WDPCP: variants seen among roughly 807,000 people sequenced by gnomAD.
The protein encoded by WDPCP is WD repeat containing planar cell polarity effector.
Under a neutral mutation model 93.1 loss-of-function variants are expected in WDPCP, and 71 were observed. The observed-to-expected ratio is 0.76, with a 90% CI of 0.63 to 0.93. WDPCP has a LOEUF of 0.93. Ranked by LOEUF, WDPCP falls within the 40% of genes least tolerant of loss-of-function variation. WDPCP has a pLI of 0.00. For missense variants in WDPCP, 844 were observed against 887.4 expected, an observed-to-expected ratio of 0.95 and a Z score of 0.62; for synonymous variants, 315 against 315.0, an observed-to-expected ratio of 1.00 and a Z score of 0.00.
chr2:63,222,056 A>T (rs1574914064), intron 14 of WDPCP, among the ~76,000 whole-genome samples: 1 of 152,264 alleles, frequency 6.6e-6, no homozygotes, highest in East Asian at 1.9e-4. Flanking sequence ...AATTTTAGGG[A>T]TTGGTCCAGT....
rs145704319 is a variant in WDPCP at position 63,254,089 on chromosome 2, T to C, written c.1915+5218A>G. On this transcript the variant is annotated intron_variant, in intron 14 of 17. Coordinates refer to ENST00000272321, the MANE Select transcript of WDPCP (RefSeq NM_015910.7). Reference sequence around the variant, plus strand: ...AATAACATCCTTTGCAGCAACATAGTTGTAGCTGGAAGCCATTACTGTAAG... The same window carrying C: ...AATAACATCCTTTGCAGCAACATAGCTGTAGCTGGAAGCCATTACTGTAAG... Among the ~76,000 whole-genome samples, 316 of 152,232 alleles carry C rather than the reference T, an allele frequency of 2.1e-3. 1 individual carries two copies. The highest frequency in any genetic ancestry group is 7.2e-3 in the African/African-American group (298 of 41,542).
At chr2:63,455,886 T>C (rs1698591539) in intron 6 of WDPCP, among the ~76,000 whole-genome samples, 2 of 152,124 alleles carry the variant, frequency 1.3e-5, no homozygotes, top group Admixed American at 1.3e-4. Context: ...ATTCTTCTCA[T>C]CAGTACATGG....
intron 3 of WDPCP, among the ~76,000 whole-genome samples, chr2:63,603,655 C>CTT (rs11297982): frequency 3.5e-3 from 344 of 99,058 alleles, no homozygotes; most frequent in Non-Finnish European, 4.8e-3. Flanking sequence ...CAAGACATTT[C>CTT]TTTTTTTTTT....
At chr2:63,836,047 G>A in the WDPCP span, among the ~76,000 whole-genome samples, 26,972 of 152,110 alleles carry the variant, frequency 0.18, 3,144 homozygotes, top group Non-Finnish European at 0.24. Context: ...AGAGAAGGGG[G>A]TTTAATCACG....
chr2:63,752,947 G>A (rs1045577282), intron 2 of WDPCP, among the ~76,000 whole-genome samples: 12 of 151,958 alleles, frequency 7.9e-5, no homozygotes, highest in African/African-American at 2.9e-4. Context: ...ACCCACCTCG[G>A]CCTCCCAAAG....
chr2:63,574,390 T>C (rs1252124171), intron 1 of WDPCP, among the ~76,000 whole-genome samples: 1 of 152,168 alleles, frequency 6.6e-6, no homozygotes, highest in Non-Finnish European at 1.5e-5. Flanking sequence ...TTTTACCCGA[T>C]ATCTGGCTGA....
chr2:63,286,986 C>G (rs1210880675), intron 13 of WDPCP, among the ~76,000 whole-genome samples: 1 of 152,172 alleles, frequency 6.6e-6, no homozygotes, highest in Admixed American at 6.5e-5. Context: ...GTTCCAGAAG[C>G]TGGAAATTCA....
At chr2:63,326,704 CAG>C (rs1687580900) in intron 12 of WDPCP, among the ~76,000 whole-genome samples, 1 of 138,888 alleles carries the variant, frequency 7.2e-6, no homozygotes, top group African/African-American at 2.5e-5. Context: ...GAGAAGGAGA[CAG>C]ACAGAAAGTC....
intron 13 of WDPCP, among the ~76,000 whole-genome samples, chr2:63,277,408 T>A (rs1416107533): frequency 6.6e-6 from 1 of 152,176 alleles, no homozygotes; most frequent in African/African-American, 2.4e-5. Flanking sequence ...CATCTCAATA[T>A]TAATGTTGAA....
chr2:63,120,291 T>C lies in WDPCP; in HGVS notation c.*1715A>G, dbSNP rs549311136. ...TGCTGGTAACTCAGTTTGGCTTACA[T>C]GTTATGCATTATTAAAATTTTTTCA... is the stretch of plus-strand genomic sequence containing the variant. On this transcript the variant is annotated 3_prime_UTR_variant, in exon 18 of 18. Coordinates refer to ENST00000272321, the MANE Select transcript of WDPCP (RefSeq NM_015910.7). 6.6e-6 allele frequency among the ~76,000 whole-genome samples: 1 copy of C among 152,266 alleles called. No individual in the cohort carries two copies. Among genetic ancestry groups the C allele is most frequent in the South Asian group, 2.1e-4 (1 of 4,822 alleles).
chr2:63,692,066 G>A (rs1163653624), intron 2 of WDPCP, among the ~76,000 whole-genome samples: 2 of 152,054 alleles, frequency 1.3e-5, no homozygotes, highest in Non-Finnish European at 2.9e-5. Context: ...TTCCTGGAAG[G>A]ACATTTTCTT....
chr2:63,134,379 C>T (rs892941227), intron 17 of WDPCP, among the ~76,000 whole-genome samples: 2 of 152,166 alleles, frequency 1.3e-5, no homozygotes, highest in African/African-American at 4.8e-5. Context: ...ATAATACCCA[C>T]TCGGCATGTA....
intron 2 of WDPCP, among the ~76,000 whole-genome samples, chr2:63,799,041 C>A (rs1457385391): frequency 6.6e-6 from 1 of 152,172 alleles, no homozygotes; most frequent in African/African-American, 2.4e-5. Flanking sequence ...TAAAAGTGAG[C>A]AAATGTGTGT....
chr2:63,366,135 G>C (rs763726542), intron 12 of WDPCP, among the ~76,000 whole-genome samples: 2 of 152,108 alleles, frequency 1.3e-5, no homozygotes, highest in African/African-American at 2.4e-5. Context: ...TCTCTTACTA[G>C]TTTGATATGT....
chr2:63,459,213 AATGAGAGTATATTAAATTT>A (rs1279935311), intron 6 of WDPCP, among the ~76,000 whole-genome samples: 1 of 152,200 alleles, frequency 6.6e-6, no homozygotes, highest in African/African-American at 2.4e-5. Flanking sequence ...AAAATAGACA[AATGAGAGTATATTAAATTT>A]ACATGCTTCT....
At chr2:63,401,842 C>T (rs924621895) in intron 10 of WDPCP, among the ~76,000 whole-genome samples, 6 of 151,974 alleles carry the variant, frequency 3.9e-5, no homozygotes, top group Admixed American at 3.9e-4. Context: ...TCTGGTGAGG[C>T]TGTGGAGAAA....
At chr2:63,440,492 T>C (rs1007206744) in intron 6 of WDPCP, 3 of 152,212 alleles carry the variant, frequency 2.0e-5, no homozygotes, top group African/African-American at 7.2e-5. Context: ...TAAAGGAATA[T>C]AGTAGAGCAT....
intron 2 of WDPCP, among the ~76,000 whole-genome samples, chr2:63,761,346 A>G (rs1670051816): frequency 6.6e-6 from 1 of 152,182 alleles, no homozygotes; most frequent in African/African-American, 2.4e-5. Context: ...AGCCTTCAGA[A>G]CTATGAGAAA....
intron 6 of WDPCP, among the ~76,000 whole-genome samples, chr2:63,473,680 T>C (rs1166120948): frequency 6.6e-6 from 1 of 152,210 alleles, no homozygotes; most frequent in African/African-American, 2.4e-5. Flanking sequence ...TTTCACAGCC[T>C]TTTTATTCTC....
Sources: allele counts gnomAD v4.1 joint callset (sites outside exome capture counted in the v4.1 genomes callset), GRCh38; gene constraint gnomAD v4.1.1; transcripts MANE v1.5; gene names NCBI Gene and HGNC (gene_info 2026-07-23, HGNC 2026-07-21).